Variants in SLC30A7 observed in about 807,000 individuals in gnomAD.
SLC30A7 encodes solute carrier family 30 member 7.
SLC30A7 carries 35 observed loss-of-function variants against 46.0 expected under a neutral mutation model. The observed-to-expected ratio is 0.76, with a 90% confidence interval of 0.58 to 1.01. The LOEUF (loss-of-function observed/expected upper bound fraction) is 1.01. SLC30A7 is among the 50% of genes least tolerant of loss of function. The pLI is 0.00. For missense variants in SLC30A7, 464 were observed against 451.1 expected, an observed-to-expected ratio of 1.03 and a Z score of -0.26; for synonymous variants, 147 against 157.8, an observed-to-expected ratio of 0.93 and a Z score of 0.51.
At chr1:100,905,840 T>C (rs537160550) in intron 2 of SLC30A7, among the ~76,000 whole-genome samples, 3 of 152,374 alleles carry the variant, frequency 2.0e-5, no homozygotes, top group African/African-American at 7.2e-5. Flanking sequence ...ATTGTATTTG[T>C]TGTTAAAGTC....
intron 2 of SLC30A7, among the ~76,000 whole-genome samples, chr1:100,903,075 A>C (rs1651409110): frequency 6.6e-6 from 1 of 152,192 alleles, no homozygotes; most frequent in East Asian, 1.9e-4. Context: ...AAACACATTA[A>C]GAAATAAAAA....
At chr1:100,932,746 A>C (rs1653731310) in intron 8 of SLC30A7, among the ~76,000 whole-genome samples, 1 of 152,172 alleles carries the variant, frequency 6.6e-6, no homozygotes, top group Non-Finnish European at 1.5e-5. Flanking sequence ...TATGAGAGAG[A>C]GAAACCTATA....
chr1:100,985,465 A>G (rs570281746), downstream of SLC30A7, among the ~76,000 whole-genome samples: 1 of 152,348 alleles, frequency 6.6e-6, no homozygotes, highest in African/African-American at 2.4e-5. Context: ...GAATAGCTAA[A>G]ACAACTTTGA....
intron 8 of SLC30A7, among the ~76,000 whole-genome samples, chr1:100,925,227 T>G (rs1653218303): frequency 6.6e-6 from 1 of 152,242 alleles, no homozygotes. Context: ...TAAAAGCAGC[T>G]TTGATACTGA....
chr1:100,898,218 C>G (rs185170994), intron 2 of SLC30A7, among the ~76,000 whole-genome samples: 3 of 152,228 alleles, frequency 2.0e-5, no homozygotes, highest in African/African-American at 7.2e-5. Context: ...CTATGGCTTT[C>G]CATTACATAA....
intron 8 of SLC30A7, among the ~76,000 whole-genome samples, chr1:100,923,380 T>G (rs1407883343): frequency 6.6e-6 from 1 of 152,202 alleles, no homozygotes; most frequent in African/African-American, 2.4e-5. Flanking sequence ...GGAGATTTTT[T>G]TTTAAAGTTT....
intron 8 of SLC30A7, among the ~76,000 whole-genome samples, chr1:100,953,202 C>T (rs1655050322): frequency 6.6e-6 from 1 of 152,152 alleles, no homozygotes; most frequent in Non-Finnish European, 1.5e-5. Context: ...CCTGTTAAGC[C>T]TGTGGAACTG....
intron 8 of SLC30A7, among the ~76,000 whole-genome samples, chr1:100,937,513 T>TA (rs1244748265): frequency 1.3e-5 from 2 of 152,214 alleles, no homozygotes; most frequent in Admixed American, 6.5e-5. Context: ...GAAAACCCAT[T>TA]AACGTAATGC....
At chr1:100,947,446 A>C (rs933600693) in intron 8 of SLC30A7, among the ~76,000 whole-genome samples, 1 of 152,150 alleles carries the variant, frequency 6.6e-6, no homozygotes. Flanking sequence ...GTTCTTTTAC[A>C]TTTGCTGAGG....
intron 8 of SLC30A7, among the ~76,000 whole-genome samples, chr1:100,958,598 C>G (rs985967822): frequency 2.0e-5 from 3 of 152,116 alleles, no homozygotes; most frequent in Middle Eastern, 3.2e-3. Flanking sequence ...ACTTTACTTT[C>G]TTTACTTTAC....
the SLC30A7 span, among the ~76,000 whole-genome samples, chr1:100,992,059 C>T: frequency 6.6e-6 from 1 of 151,376 alleles, no homozygotes; most frequent in Non-Finnish European, 1.5e-5. Context: ...GATAGTGCCT[C>T]TGCACTCCAG....
the SLC30A7 span, among the ~76,000 whole-genome samples, chr1:100,994,278 T>C: frequency 6.6e-6 from 1 of 152,192 alleles, no homozygotes; most frequent in Non-Finnish European, 1.5e-5. Flanking sequence ...GTTCCAAACA[T>C]ACTTAAAAGT....
intron 8 of SLC30A7, among the ~76,000 whole-genome samples, chr1:100,956,229 A>G (rs1364696968): frequency 1.3e-5 from 2 of 152,018 alleles, no homozygotes; most frequent in African/African-American, 2.4e-5. Context: ...TTGTTCTTGA[A>G]TGGTGTTAAA....
chr1:100,909,820 A>G (rs2101014383), intron 3 of SLC30A7, among the ~76,000 whole-genome samples: 1 of 152,274 alleles, frequency 6.6e-6, no homozygotes, highest in Non-Finnish European at 1.5e-5. Flanking sequence ...GTTTTCAGTC[A>G]AGCATTAGTT....
intron 2 of SLC30A7, among the ~76,000 whole-genome samples, chr1:100,898,451 G>C (rs1453441227): frequency 6.6e-6 from 1 of 152,108 alleles, no homozygotes; most frequent in Non-Finnish European, 1.5e-5. Flanking sequence ...TTCTTTACTA[G>C]TGCAGCTTAT....
rs902798695 is a variant in SLC30A7, at chr1:100,896,129, T to G, written c.-134T>G. On this transcript the variant is annotated 5_prime_UTR_variant, in exon 1 of 11. Coordinates refer to ENST00000357650, the MANE Select transcript of SLC30A7 (RefSeq NM_133496.5). ...TCCCGGGTGTGTGTCTGTGTCTGTC[T>G]GTGTCTCGCAGCGGCGCGCGGCCCC... is the stretch of plus-strand genomic sequence containing the variant. The G allele has an allele frequency of 1.2e-5, 9 of 743,442 alleles. No individual in the cohort carries two copies. The highest frequency in any genetic ancestry group is 8.3e-5 in the Admixed American group (4 of 48,084). 46.1% of individuals were successfully genotyped at this position (743,442 alleles called of 1,614,324 possible). A position where few individuals can be genotyped will look rare whatever the true frequency, so the allele number is the denominator to read the frequency against.
At chr1:100,921,637 C>T in intron 7 of SLC30A7, 69 bp from the exon 8 acceptor site, 13 of 1,296,284 alleles carry the variant, frequency 1.0e-5, no homozygotes, top group African/African-American at 8.8e-5. Context: ...AAGAGTATAG[C>T]TCTAGGATAT....
rs1245648146 is a variant in SLC30A7, at chr1:100,980,790, G to A, written c.*5933G>A. On this transcript the variant is annotated 3_prime_UTR_variant, in exon 11 of 11. Transcript: ENST00000357650. ...GACAGAATTGGGACTGTGGAACCTG[G>A]GTCACTTGAATTTTCTATATTTTGT... 5 of 151,664 alleles carry A rather than the reference G, an allele frequency of 3.3e-5. No individual in the cohort carries two copies. The highest frequency in any genetic ancestry group is 7.4e-5 in the Non-Finnish European group (5 of 67,856). 9.4% of individuals were successfully genotyped at this position (151,664 alleles called of 1,614,324 possible).
At chr1:100,918,710 C>T (rs942526968) in intron 7 of SLC30A7, among the ~76,000 whole-genome samples, 13 of 152,136 alleles carry the variant, frequency 8.5e-5, no homozygotes, top group Non-Finnish European at 1.9e-4. Context: ...AATCATCTAA[C>T]ACAAAGCCTA....
Sources: gnomAD v4.1 joint callset for allele counts (sites outside exome capture counted in the v4.1 genomes callset) on GRCh38, gnomAD v4.1.1 for gene constraint, MANE v1.5 for transcripts, NCBI Gene and HGNC (gene_info 2026-07-23, HGNC 2026-07-21) for gene names.